COL25A1: variants seen among roughly 807,000 people sequenced by gnomAD.
COL25A1 encodes the protein collagen type XXV alpha 1 chain.
A neutral mutation model predicts 128.4 loss-of-function variants in COL25A1; 103 were observed. The ratio of observed to expected loss-of-function variants is 0.80; its 90% CI spans 0.68 to 0.94. The LOEUF (loss-of-function observed/expected upper bound fraction) is 0.94. Among genes scored for constraint, COL25A1 ranks in the 40% least tolerant of loss-of-function variants. The probability of loss-of-function intolerance (pLI) is 0.00; values close to 1 mark genes in which losing one functional copy is unlikely to be tolerated. For missense variants in COL25A1, 745 were observed against 840.0 expected, an observed-to-expected ratio of 0.89 and a Z score of 1.40; for synonymous variants, 279 against 277.2, an observed-to-expected ratio of 1.01 and a Z score of -0.06.
At chr4:109,083,448 A>AATT (rs377354398) in intron 3 of COL25A1, among the ~76,000 whole-genome samples, 15 of 77,062 alleles carry the variant, frequency 1.9e-4, no homozygotes, top group African/African-American at 4.8e-4. Flanking sequence ...CACTAAATAA[A>AATT]TTTTTTTTTT....
intron 18 of COL25A1, among the ~76,000 whole-genome samples, chr4:108,885,575 T>C (rs541860732): frequency 4.9e-4 from 74 of 152,318 alleles, no homozygotes; most frequent in African/African-American, 1.5e-3. Context: ...TTCACACAGA[T>C]ATAACATTAT....
At chr4:109,190,576 C>CAGT (rs1775526085) in intron 3 of COL25A1, among the ~76,000 whole-genome samples, 1 of 152,080 alleles carries the variant, frequency 6.6e-6, no homozygotes, top group Non-Finnish European at 1.5e-5. Flanking sequence ...TAAAATAAGA[C>CAGT]AGTAGGTTGG....
Position 108,810,997 on chromosome 4 carries a change from TTAGAAA to T in COL25A1, c.*2924_*2929del, listed in dbSNP as rs1225728621. The T allele has an allele frequency of 1.3e-5, 2 of 152,078 alleles. No individual in the cohort carries two copies. The highest frequency in any genetic ancestry group is 2.4e-5 in the African/African-American group (1 of 41,460). The allele number at this position is 152,078 out of a possible 1,614,324, so 9.4% of individuals were successfully genotyped here. A position where few individuals can be genotyped will look rare whatever the true frequency, so the allele number is the denominator to read the frequency against. Reference sequence around the variant, plus strand: ...CAATTTGCTATCCTTCAATGTTTTATTAGAAATAGAAACTGACCTTGCCTTATTTCC... The same window carrying T: ...CAATTTGCTATCCTTCAATGTTTTATTAGAAACTGACCTTGCCTTATTTCC... On this transcript the variant is annotated 3_prime_UTR_variant, in exon 38 of 38. Transcript: ENST00000399132.
chr4:109,004,236 C>T (rs775734488), intron 6 of COL25A1, among the ~76,000 whole-genome samples: 1 of 152,146 alleles, frequency 6.6e-6, no homozygotes, highest in Non-Finnish European at 1.5e-5. Flanking sequence ...CTAGTCCCAG[C>T]AATTCTTAAC....
intron 5 of COL25A1, among the ~76,000 whole-genome samples, chr4:109,012,035 T>C (rs1367719537): frequency 1.3e-5 from 2 of 152,350 alleles, no homozygotes; most frequent in African/African-American, 2.4e-5. Context: ...TCATTTGTTA[T>C]AGGGTCTCAC....
intron 3 of COL25A1, among the ~76,000 whole-genome samples, chr4:109,173,475 T>C (rs183208448): frequency 2.6e-5 from 4 of 152,328 alleles, no homozygotes; most frequent in South Asian, 2.1e-4. Flanking sequence ...TTAAATTGCA[T>C]TGCATTAAAG....
intron 11 of COL25A1, among the ~76,000 whole-genome samples, chr4:108,925,754 AT>A (rs1007501036): frequency 2.6e-5 from 4 of 152,192 alleles, no homozygotes; most frequent in African/African-American, 9.7e-5. Flanking sequence ...TCATTCTAAC[AT>A]TGCTGGCCTA....
intron 6 of COL25A1, among the ~76,000 whole-genome samples, chr4:109,009,456 G>A (rs1648019): frequency 6.6e-6 from 1 of 151,938 alleles, no homozygotes; most frequent in Non-Finnish European, 1.5e-5. Flanking sequence ...ATCATAAAAA[G>A]CATAAATAAT....
intron 3 of COL25A1, among the ~76,000 whole-genome samples, chr4:109,231,807 A>C (rs1417501228): frequency 6.6e-6 from 1 of 152,216 alleles, no homozygotes; most frequent in Admixed American, 6.5e-5. Context: ...CTGTTACTAA[A>C]TATGTGATTT....
rs115323564 is a variant in COL25A1, at chr4:109,027,642, G to A, written c.421-17267C>T. Among the ~76,000 whole-genome samples, 787 of 152,176 alleles carry A rather than the reference G, an allele frequency of 5.2e-3. 6 individuals are homozygous for A. The highest frequency in any genetic ancestry group is 0.018 in the African/African-American group (753 of 41,514). ...TTAGGAGGCTTTTGTAGCATTCTAA[G>A]TGAAAGATAAAGGATGGGATGGGCC... On this transcript the variant is annotated intron_variant, in intron 5 of 37. Coordinates refer to ENST00000399132, the MANE Select transcript of COL25A1 (RefSeq NM_198721.4).
At chr4:109,070,693 C>G (rs1281628096) in intron 3 of COL25A1, among the ~76,000 whole-genome samples, 2 of 125,482 alleles carry the variant, frequency 1.6e-5, no homozygotes, top group African/African-American at 5.9e-5. Context: ...CCCCTCCCCC[C>G]ACCCCACAAC....
rs1055067868 is a variant in COL25A1, at chr4:109,132,881, A to G, written c.368-82702T>C. Among the ~76,000 whole-genome samples, 238 of 152,266 alleles carry G rather than the reference A, an allele frequency of 1.6e-3. 3 individuals are homozygous for G. The highest frequency in any genetic ancestry group is 7.1e-4 in the Non-Finnish European group (48 of 67,968). ...CTACTTGCAAATACTGAATGGCAGTATTAGAACTGTGAGGATTAATTCACA... is the reference window on the plus strand; with the variant it reads ...CTACTTGCAAATACTGAATGGCAGTGTTAGAACTGTGAGGATTAATTCACA... On this transcript the variant is annotated intron_variant, in intron 3 of 37. Coordinates refer to ENST00000399132, the MANE Select transcript of COL25A1 (RefSeq NM_198721.4).
At chr4:108,997,297 A>C (rs1402581912) in intron 6 of COL25A1, among the ~76,000 whole-genome samples, 3 of 151,994 alleles carry the variant, frequency 2.0e-5, no homozygotes, top group Non-Finnish European at 4.4e-5. Context: ...GGGATATCAC[A>C]ACTGATCCCA....
At chr4:108,974,745 T>G (rs1204068971) in intron 6 of COL25A1, among the ~76,000 whole-genome samples, 186 bp from the exon 7 acceptor site, 1 of 152,236 alleles carries the variant, frequency 6.6e-6, no homozygotes, top group Non-Finnish European at 1.5e-5. Flanking sequence ...CATATATGTT[T>G]GTGCATGTAT....
intron 5 of COL25A1, among the ~76,000 whole-genome samples, chr4:109,013,015 A>G (rs3108321): frequency 0.51 from 77,324 of 152,106 alleles, 22,315 homozygotes; most frequent in African/African-American, 0.77. Context: ...TGTCTAGCTC[A>G]GGGTTCGTGG....
chr4:108,869,236 T>C, intron 19 of COL25A1, 86 bp from the exon 20 acceptor site: 1 of 761,016 alleles, frequency 1.3e-6, no homozygotes, highest in Non-Finnish European at 2.0e-6. Flanking sequence ...ACTAAACTCA[T>C]TTTCTTCTAC....
intron 8 of COL25A1, chr4:108,942,077 C>A: frequency 1.3e-6 from 1 of 778,650 alleles, no homozygotes; most frequent in Non-Finnish European, 2.1e-6. Context: ...CAAGTGGGGT[C>A]CCAAGTGCCC....
chr4:109,035,333 T>C (rs1382903717), intron 5 of COL25A1, among the ~76,000 whole-genome samples: 1 of 152,210 alleles, frequency 6.6e-6, no homozygotes, highest in Non-Finnish European at 1.5e-5. Context: ...ATAATAAGTG[T>C]ATTATAAATC....
chr4:109,197,302 G>A (rs1776128839), intron 3 of COL25A1, among the ~76,000 whole-genome samples: 1 of 140,764 alleles, frequency 7.1e-6, no homozygotes, highest in South Asian at 2.2e-4. Context: ...CTTCAGCCTG[G>A]GCAACAGAGA....
Sources: allele counts gnomAD v4.1 joint callset (sites outside exome capture counted in the v4.1 genomes callset), GRCh38; gene constraint gnomAD v4.1.1; transcripts MANE v1.5; gene names NCBI Gene and HGNC (gene_info 2026-07-23, HGNC 2026-07-21).